Variants in VAT1L observed in about 807,000 individuals in gnomAD.
VAT1L encodes putative NADPH-dependent quinone oxidoreductase VAT1L.
In VAT1L, 34 loss-of-function variants were observed where a neutral mutation model predicts 44.1. The observed-to-expected ratio is 0.77, with a 90% CI of 0.59 to 1.03. VAT1L has a LOEUF of 1.03. VAT1L is among the 50% of genes least tolerant of loss of function. The pLI is 0.00. For synonymous variants in VAT1L, 253 were observed against 202.2 expected, an observed-to-expected ratio of 1.25 and a Z score of -2.13; for missense variants, 615 against 538.8, an observed-to-expected ratio of 1.14 and a Z score of -1.40.
At chr16:77,863,809 G>C (rs897593672) in intron 4 of VAT1L, among the ~76,000 whole-genome samples, 1 of 152,110 alleles carries the variant, frequency 6.6e-6, no homozygotes, top group Admixed American at 6.6e-5. Context: ...TGAGCAAGGA[G>C]ACAGGTATCA....
At chr16:77,808,187 G>C (rs1221212728) in intron 1 of VAT1L, among the ~76,000 whole-genome samples, 1 of 151,998 alleles carries the variant, frequency 6.6e-6, no homozygotes, top group Non-Finnish European at 1.5e-5. Context: ...TCAGATCAGC[G>C]GCAGCATTAG....
intron 7 of VAT1L, among the ~76,000 whole-genome samples, chr16:77,910,673 CAAAAA>C (rs3038773): frequency 1.2e-5 from 1 of 82,966 alleles, no homozygotes; most frequent in Non-Finnish European, 2.3e-5. Flanking sequence ...GACTCCTTCT[CAAAAA>C]AAAAAAAAAA....
intron 4 of VAT1L, 38 bp from the exon 5 acceptor site, chr16:77,876,332 C>T: frequency 3.2e-6 from 5 of 1,563,510 alleles, no homozygotes; most frequent in Non-Finnish European, 4.4e-6. Flanking sequence ...TGGCTCCTGA[C>T]AGGTCACAGA....
intron 3 of VAT1L, among the ~76,000 whole-genome samples, chr16:77,857,985 G>A (rs2016878560): frequency 6.6e-6 from 1 of 152,078 alleles, no homozygotes; most frequent in Non-Finnish European, 1.5e-5. Context: ...AAACGACTGG[G>A]AAGGGCTGCC....
intron 3 of VAT1L, among the ~76,000 whole-genome samples, chr16:77,836,312 G>A (rs531137219): frequency 5.3e-5 from 8 of 152,184 alleles, no homozygotes; most frequent in Admixed American, 5.2e-4. Context: ...GTGAGCCCCA[G>A]GATAAGGGAG....
At chr16:77,845,332 G>C (rs923106314) in intron 3 of VAT1L, among the ~76,000 whole-genome samples, 1 of 152,124 alleles carries the variant, frequency 6.6e-6, no homozygotes, top group Non-Finnish European at 1.5e-5. Context: ...ATAAGAGTGT[G>C]GCAGTATGTT....
rs542265356 is a variant in VAT1L, at chr16:77,951,947, ATT to A, written c.1078-19899_1078-19898del. On this transcript the variant is annotated intron_variant, in intron 7 of 8. Coordinates refer to ENST00000302536, the MANE Select transcript of VAT1L (RefSeq NM_020927.3). ...ATTCCTTTGAAACAAAAGGTAGAGAATTTTTGAGCACTAGGGGGAGATAGTGG... is the reference window on the plus strand; with the variant it reads ...ATTCCTTTGAAACAAAAGGTAGAGAATTTGAGCACTAGGGGGAGATAGTGG... Among the ~76,000 whole-genome samples, 8 of 152,272 alleles carry A rather than the reference ATT, an allele frequency of 5.3e-5. No homozygotes were observed. The South Asian group carries it at 1.7e-3, about 32-fold the overall frequency.
chr16:77,865,924 C>T (rs912827193), intron 4 of VAT1L, among the ~76,000 whole-genome samples: 1 of 152,088 alleles, frequency 6.6e-6, no homozygotes, highest in Non-Finnish European at 1.5e-5. Flanking sequence ...CTTTCCACTG[C>T]CCTAGATCTA....
At chr16:77,827,725 G>C (rs997981437) in intron 3 of VAT1L, among the ~76,000 whole-genome samples, 1 of 152,150 alleles carries the variant, frequency 6.6e-6, no homozygotes, top group Non-Finnish European at 1.5e-5. Context: ...AAATAAAACA[G>C]TTACTAGGGG....
At chr16:77,931,922 T>C (rs1255905757) in intron 7 of VAT1L, among the ~76,000 whole-genome samples, 2 of 152,196 alleles carry the variant, frequency 1.3e-5, no homozygotes, top group Non-Finnish European at 2.9e-5. Flanking sequence ...GAAAACATTG[T>C]ATCTTTACTG....
chr16:77,895,610 G>A (rs2017315732), intron 7 of VAT1L, among the ~76,000 whole-genome samples: 1 of 152,196 alleles, frequency 6.6e-6, no homozygotes, highest in African/African-American at 2.4e-5. Flanking sequence ...AGCCAGCCCT[G>A]TTGACACCTT....
intron 7 of VAT1L, among the ~76,000 whole-genome samples, chr16:77,907,027 C>G (rs971640280): frequency 6.6e-6 from 1 of 152,270 alleles, no homozygotes; most frequent in Admixed American, 6.5e-5. Flanking sequence ...AGAGAAAACT[C>G]CCAATTAGAG....
Position 77,979,784 on chromosome 16 carries a change from C to A in VAT1L, c.*2089C>A, listed in dbSNP as rs958284060. On this transcript the variant is annotated 3_prime_UTR_variant, in exon 9 of 9. Transcript: ENST00000302536. ...GGTTAAAGAAAACCCTTTCAGAATA[C>A]AGAACGAGAAAACTAGAGTTTGACC... is the stretch of plus-strand genomic sequence containing the variant. 6.6e-6 allele frequency: 1 copy of A among 152,618 alleles called. No individual in the cohort carries two copies. The highest frequency in any genetic ancestry group is 1.5e-5 in the Non-Finnish European group (1 of 68,034). The allele number at this position is 152,618 out of a possible 1,614,324, so 9.5% of individuals were successfully genotyped here. A position where few individuals can be genotyped will look rare whatever the true frequency, so the allele number is the denominator to read the frequency against.
intron 7 of VAT1L, among the ~76,000 whole-genome samples, chr16:77,935,059 G>A (rs552662751): frequency 6.6e-6 from 1 of 152,112 alleles, no homozygotes; most frequent in African/African-American, 2.4e-5. Flanking sequence ...GTTTCTTTGG[G>A]CAGGTCTCTT....
Position 77,977,937 on chromosome 16 carries a change from C to A in VAT1L, c.*242C>A. 2.2e-6 allele frequency: 1 copy of A among 451,506 alleles called. No homozygotes were observed. Among genetic ancestry groups the A allele is most frequent in the Non-Finnish European group, 4.1e-6 (1 of 245,438 alleles). The allele number at this position is 451,506 out of a possible 1,614,324, so 28.0% of individuals were successfully genotyped here. ...CATTCCCCTCTCCCCTGTATCAAAA[C>A]CATCCATCTGTGGGTTCTTCTTGAC... On this transcript the variant is annotated 3_prime_UTR_variant, in exon 9 of 9. Coordinates refer to ENST00000302536, the MANE Select transcript of VAT1L (RefSeq NM_020927.3).
intron 3 of VAT1L, among the ~76,000 whole-genome samples, chr16:77,849,859 C>G (rs1242615275): frequency 6.6e-6 from 1 of 152,206 alleles, no homozygotes; most frequent in Non-Finnish European, 1.5e-5. Flanking sequence ...GATCTGAAGT[C>G]ACAGAAAGAG....
At chr16:77,893,687 A>G (rs534909724) in intron 7 of VAT1L, among the ~76,000 whole-genome samples, 1 of 152,192 alleles carries the variant, frequency 6.6e-6, no homozygotes, top group Non-Finnish European at 1.5e-5. Context: ...AAACTTCCCA[A>G]CATCACAATA....
intron 3 of VAT1L, among the ~76,000 whole-genome samples, chr16:77,825,716 C>A: frequency 6.6e-6 from 1 of 151,946 alleles, no homozygotes; most frequent in East Asian, 1.9e-4. Flanking sequence ...GAGATAGTTC[C>A]TGTTGAGAAG....
intron 7 of VAT1L, among the ~76,000 whole-genome samples, chr16:77,897,853 C>T (rs1482839943): frequency 3.3e-5 from 5 of 152,102 alleles, no homozygotes; most frequent in Non-Finnish European, 7.3e-5. Context: ...CCTTTTCCTC[C>T]CCTATAAAAT....
Sources: gnomAD v4.1 joint callset for allele counts (sites outside exome capture counted in the v4.1 genomes callset) on GRCh38, gnomAD v4.1.1 for gene constraint, MANE v1.5 for transcripts, NCBI Gene and HGNC (gene_info 2026-07-23, HGNC 2026-07-21) for gene names.